The following LRP1B variants were observed in gnomAD, a reference collection of about 807,000 sequenced individuals.
LRP1B encodes low-density lipoprotein receptor-related protein 1B.
A neutral mutation model predicts 556.6 loss-of-function variants in LRP1B; 217 were observed. The ratio of observed to expected loss-of-function variants is 0.39; its 90% CI spans 0.35 to 0.44. The LOEUF is 0.44. Among genes scored for constraint, LRP1B ranks in the 20% least tolerant of loss-of-function variants. LRP1B has a pLI of 1.00. For synonymous variants in LRP1B, 2,047 were observed against 1,865.8 expected, an observed-to-expected ratio of 1.10 and a Z score of -2.50; for missense variants, 5,053 against 5,620.8, an observed-to-expected ratio of 0.90 and a Z score of 3.23.
At chr2:140,482,349 TTAAC>T (rs1345388061) in intron 59 of LRP1B, among the ~76,000 whole-genome samples, 1 of 152,188 alleles carries the variant, frequency 6.6e-6, no homozygotes, top group Non-Finnish European at 1.5e-5. Flanking sequence ...TTTGTTATGA[TTAAC>T]TAAAGTGACA....
At chr2:141,104,523 C>T (rs886801594) in intron 7 of LRP1B, among the ~76,000 whole-genome samples, 7 of 152,016 alleles carry the variant, frequency 4.6e-5, no homozygotes, top group African/African-American at 1.7e-4. Flanking sequence ...CTTATTTGAA[C>T]ATGAAATGAA....
chr2:141,200,924 T>C (rs1573642213), intron 6 of LRP1B, among the ~76,000 whole-genome samples: 1 of 152,220 alleles, frequency 6.6e-6, no homozygotes, highest in African/African-American at 2.4e-5. Flanking sequence ...CTAAAATCCA[T>C]GTTCTCACCT....
chr2:140,526,157 C>T, intron 48 of LRP1B, 80 bp downstream of exon 48: 1 of 1,437,726 alleles, frequency 7.0e-7, no homozygotes, highest in Non-Finnish European at 9.7e-7. Context: ...GGACAAAGTT[C>T]AGTAAAATCT....
At chr2:140,292,991 G>T (rs919177997) in intron 84 of LRP1B, among the ~76,000 whole-genome samples, 1 of 152,126 alleles carries the variant, frequency 6.6e-6, no homozygotes. Context: ...TTCTAACTCT[G>T]TAAGTAGGGA....
intron 1 of LRP1B, among the ~76,000 whole-genome samples, chr2:141,958,172 C>T (rs569911736): frequency 2.0e-5 from 3 of 152,084 alleles, no homozygotes; most frequent in East Asian, 2.0e-4. Flanking sequence ...CTTCTTTTAG[C>T]GTCACCCTGG....
At chr2:141,772,952 T>C (rs986785393) in intron 2 of LRP1B, among the ~76,000 whole-genome samples, 2 of 152,176 alleles carry the variant, frequency 1.3e-5, no homozygotes, top group Admixed American at 6.5e-5. Flanking sequence ...CCCTTCCTCC[T>C]CTTTTGTTAA....
At position 140,601,563 on chromosome 2, in the gene LRP1B, G is replaced by A. The variant is rs2105199057; in HGVS notation, c.6876C>T (p.Ser2292=). 1.2e-6 allele frequency: 2 copies of A among 1,613,202 alleles called. No individual in the cohort carries two copies. Among genetic ancestry groups the A allele is most frequent in the Non-Finnish European group, 1.7e-6 (2 of 1,179,468 alleles). The change falls in exon 42 of 91, where the codon TCC becomes TCT. Residue 2292 remains serine, a synonymous_variant. Transcript: ENST00000389484. ...TCTGGTCCACAGTGTGTCTGGTGAT[G>A]GATGAGGTGGTAGAGCTTGTCCAGT... ...TLYWTSSTTS[S]ITRHTVDQTR...
At chr2:142,118,560 A>G (rs1320947001) in intron 1 of LRP1B, among the ~76,000 whole-genome samples, 1 of 152,112 alleles carries the variant, frequency 6.6e-6, no homozygotes, top group Non-Finnish European at 1.5e-5. Flanking sequence ...TAATATATAA[A>G]TAACTCCCTT....
chr2:140,632,931 C>T (rs560886613), intron 41 of LRP1B, among the ~76,000 whole-genome samples: 2 of 152,022 alleles, frequency 1.3e-5, no homozygotes, highest in East Asian at 3.9e-4. Context: ...GGCGTGATGG[C>T]AGGCACCTGT....
At chr2:140,501,228 AT>A (rs557816845) in intron 55 of LRP1B, among the ~76,000 whole-genome samples, 46 of 152,004 alleles carry the variant, frequency 3.0e-4, no homozygotes, top group African/African-American at 1.1e-3. Context: ...TAGTTTATGG[AT>A]TTTTTATGTC....
intron 1 of LRP1B, among the ~76,000 whole-genome samples, chr2:141,930,531 G>A (rs116365482): frequency 0.025 from 3,822 of 152,054 alleles, 57 homozygotes; most frequent in East Asian, 0.042. Context: ...CAGTAGAATG[G>A]TCAGTAGTGA....
rs765240881 is a variant in LRP1B at position 140,903,069 on chromosome 2, T to C, written c.3617A>G (p.Asn1206Ser). ...AATTTCACATGTTTTATTGTCTTTG[T>C]TGAGTTGAAGTCCTTCAGGGCAGGA... ...VCSCPEGLQL[N>S]KDNKTCEIVD... Residue 1206 changes from asparagine to serine, a missense_variant, in exon 23 of 91, where the codon AAC becomes AGC. By Grantham distance (46) the Asn-to-Ser change is conservative. Around this residue, in one of 5 missense-constraint regions of LRP1B, gnomAD observed 3,619 missense variants for 3,931.9 expected, o/e 0.92. Coordinates refer to ENST00000389484, the MANE Select transcript of LRP1B (RefSeq NM_018557.3). 6.2e-7 allele frequency: 1 copy of C among 1,613,682 alleles called. No individual in the cohort carries two copies. The highest frequency in any genetic ancestry group is 8.5e-7 in the Non-Finnish European group (1 of 1,179,736).
chr2:140,672,722 T>G (rs1211062184), intron 41 of LRP1B, among the ~76,000 whole-genome samples: 1 of 152,142 alleles, frequency 6.6e-6, no homozygotes, highest in Non-Finnish European at 1.5e-5. Flanking sequence ...CTTCTTTTAT[T>G]TCCTCCTCTC....
chr2:142,115,333 G>A (rs917423012), intron 1 of LRP1B, among the ~76,000 whole-genome samples: 50 of 149,040 alleles, frequency 3.4e-4, no homozygotes, highest in African/African-American at 1.2e-3. Context: ...ATGTCAAAGG[G>A]TAGAGGAGGC....
chr2:141,623,749 G>T (rs2105339046), intron 2 of LRP1B, among the ~76,000 whole-genome samples: 1 of 151,760 alleles, frequency 6.6e-6, no homozygotes, highest in East Asian at 1.9e-4. Flanking sequence ...AAGCGGGGTG[G>T]CTCAAGCCTG....
chr2:141,677,184 G>C (rs1487325967), intron 2 of LRP1B, among the ~76,000 whole-genome samples: 1 of 152,058 alleles, frequency 6.6e-6, no homozygotes, highest in African/African-American at 2.4e-5. Context: ...CAGGAAAATG[G>C]GAGAAAATTT....
chr2:140,600,629 GA>G (rs1288735616), intron 42 of LRP1B, among the ~76,000 whole-genome samples: 2 of 151,702 alleles, frequency 1.3e-5, no homozygotes, highest in Non-Finnish European at 2.9e-5. Flanking sequence ...AGATTGGTCT[GA>G]TTTTTGTTTA....
chr2:140,700,994 C>T lies in LRP1B; in HGVS notation c.6428-373G>A, dbSNP rs142325342. Among the ~76,000 whole-genome samples, 622 of 152,178 alleles carry T rather than the reference C, an allele frequency of 4.1e-3. 4 individuals are homozygous for T. Among genetic ancestry groups the T allele is most frequent in the African/African-American group, 0.013 (541 of 41,544 alleles). On this transcript the variant is annotated intron_variant, in intron 40 of 90. Transcript: ENST00000389484. ...CAGAAATAATGCACTGCTTTAAACT[C>T]TATCTTTGAGATATGGAAAGCATCA...
intron 3 of LRP1B, among the ~76,000 whole-genome samples, chr2:141,337,255 T>C (rs1202428707): frequency 6.6e-6 from 1 of 152,222 alleles, no homozygotes; most frequent in African/African-American, 2.4e-5. Flanking sequence ...TTTATAGTGG[T>C]ATGTCATCCT....
Sources: allele counts gnomAD v4.1 joint callset (sites outside exome capture counted in the v4.1 genomes callset), GRCh38; gene constraint gnomAD v4.1.1; regional missense constraint gnomAD v4.1.1; transcripts MANE v1.5; gene names NCBI Gene and HGNC (gene_info 2026-07-23, HGNC 2026-07-21).